TTC6: variants seen among roughly 807,000 people sequenced by gnomAD.
TTC6 encodes tetratricopeptide repeat domain 6, also known as tetratricopeptide repeat protein 6.
Under a neutral mutation model 210.4 loss-of-function variants are expected in TTC6, and 172 were observed. The ratio of observed to expected loss-of-function variants is 0.82; its 90% confidence interval spans 0.72 to 0.93. TTC6 has a LOEUF of 0.93. Among genes scored for constraint, TTC6 ranks in the 40% least tolerant of loss-of-function variants. The probability of loss-of-function intolerance (pLI) is 0.00; values close to 1 mark genes in which losing one functional copy is unlikely to be tolerated. For synonymous variants in TTC6, 804 were observed against 819.6 expected, an observed-to-expected ratio of 0.98 and a Z score of 0.32; for missense variants, 2,414 against 2,318.1, an observed-to-expected ratio of 1.04 and a Z score of -0.85.
chr14:37,649,450 G>A (rs1028311520), intron 1 of TTC6, among the ~76,000 whole-genome samples: 1 of 152,120 alleles, frequency 6.6e-6, no homozygotes, highest in African/African-American at 2.4e-5. Flanking sequence ...TCACGTCCCT[G>A]CCAACTTCCT....
intron 1 of TTC6, among the ~76,000 whole-genome samples, chr14:37,625,234 A>G (rs1263928829): frequency 6.6e-6 from 1 of 152,124 alleles, no homozygotes; most frequent in Admixed American, 6.6e-5. Flanking sequence ...ACTGGGTGGT[A>G]GGTGAGAGAT....
At chr14:37,823,164 T>C (rs2096161893) in intron 26 of TTC6, among the ~76,000 whole-genome samples, 1 of 152,124 alleles carries the variant, frequency 6.6e-6, no homozygotes, top group African/African-American at 2.4e-5. Context: ...TTAGGGAGGA[T>C]AGAGAGAGTT....
rs1490065774 is a variant in TTC6, at chr14:37,598,144, T to G, written c.-235+2136T>G. ...CTCTTTTCCAACCTCTTTTCCCAAA[T>G]AGGCACCTACACCATTGGAAACTGT... On this transcript the variant is annotated intron_variant, in intron 1 of 2. Coordinates refer to the TTC6 transcript ENST00000556845. The surrounding 1 kb of genome is among the most constrained non-coding windows in gnomAD (Gnocchi z 4.9). 6.6e-6 allele frequency among the ~76,000 whole-genome samples: 1 copy of G among 152,162 alleles called. No individual in the cohort carries two copies. Among genetic ancestry groups the G allele is most frequent in the East Asian group, 1.9e-4 (1 of 5,184 alleles).
intron 29 of TTC6, among the ~76,000 whole-genome samples, chr14:37,833,823 C>G (rs2096191643): frequency 6.6e-6 from 1 of 151,980 alleles, no homozygotes; most frequent in African/African-American, 2.4e-5. Context: ...TGGATATTGT[C>G]TTTTGGCTGC....
chr14:37,792,615 T>A (rs1004895611), intron 17 of TTC6, among the ~76,000 whole-genome samples: 1 of 152,170 alleles, frequency 6.6e-6, no homozygotes, highest in African/African-American at 2.4e-5. Context: ...TTTATGTCTT[T>A]CACTTTTGAA....
chr14:37,676,853 C>T (rs1468021011), intron 1 of TTC6, among the ~76,000 whole-genome samples: 5 of 151,910 alleles, frequency 3.3e-5, no homozygotes, highest in South Asian at 4.2e-4. Context: ...GCACCTTTGT[C>T]GAAAGTCGAT....
At chr14:37,813,913 A>C (rs887512132) in intron 25 of TTC6, among the ~76,000 whole-genome samples, 7 of 152,174 alleles carry the variant, frequency 4.6e-5, no homozygotes, top group African/African-American at 1.4e-4. Flanking sequence ...TCAACCAGTA[A>C]GTACTGGGGC....
At chr14:37,792,175 A>G in intron 16 of TTC6, 89 bp from the exon 19 acceptor site, 1 of 1,027,002 alleles carries the variant, frequency 9.7e-7, no homozygotes, top group African/African-American at 1.6e-5. Flanking sequence ...ATACTGATGC[A>G]TCTGTTTCAT....
At position 37,749,072 on chromosome 14, in the gene TTC6, A is replaced by T. The variant is rs1343500047; in HGVS notation, c.2497A>T (p.Ile833Phe). 3.9e-6 allele frequency: 6 copies of T among 1,535,664 alleles called. No individual in the cohort carries two copies. The African/African-American group carries it at 8.2e-5, about 21-fold the overall frequency. ...AAAATTCGTCCAAGCTAAGGGAGGA[A>T]TTCCAGAAAATATTGATCCTCGGAC... is the stretch of plus-strand genomic sequence containing the variant. Residue 833 changes from isoleucine (I) to phenylalanine (F), a missense_variant, in exon 11 of 31, where the codon ATT becomes TTT. Transcript: ENST00000553443.
chr14:37,747,759 C>T (rs912279825), intron 10 of TTC6, among the ~76,000 whole-genome samples: 3 of 152,134 alleles, frequency 2.0e-5, no homozygotes, highest in Non-Finnish European at 2.9e-5. Flanking sequence ...TATGGAGGTG[C>T]AAACGAAACA....
At chr14:37,595,984 A>T (rs2095603491) in exon 1 of TTC6, 1 of 152,122 alleles carries the variant, frequency 6.6e-6, no homozygotes, top group African/African-American at 2.4e-5. Context: ...GCTGCCACGA[A>T]ACTCGTACCT....
In TTC6 at chr14:37,836,867, A is replaced by C. The variant is rs117495545; in HGVS notation, c.5299-4578A>C. Reference sequence around the variant, plus strand: ...TCTAGAGGGTTAAAAAATGTATGTAATCTGGCTTCTTTTATCTTTAGTGAC... The same window carrying C: ...TCTAGAGGGTTAAAAAATGTATGTACTCTGGCTTCTTTTATCTTTAGTGAC... On this transcript the variant is annotated intron_variant, in intron 29 of 30. Coordinates refer to ENST00000553443, the Ensembl canonical transcript of TTC6. Among the ~76,000 whole-genome samples the C allele has an allele frequency of 2.6e-3, 390 of 152,256 alleles. 7 individuals carry two copies. Among genetic ancestry groups the C allele is most frequent in the Non-Finnish European group, 3.1e-3 (214 of 68,022 alleles).
intron 17 of TTC6, among the ~76,000 whole-genome samples, 188 bp from the exon 20 acceptor site, chr14:37,795,082 C>CT (rs1388119466): frequency 1.1e-4 from 16 of 151,980 alleles, no homozygotes; most frequent in Admixed American, 9.8e-4. Flanking sequence ...TTTTTAAAAA[C>CT]TAAGAATATA....
intron 1 of TTC6, among the ~76,000 whole-genome samples, chr14:37,659,548 A>G (rs1308328294): frequency 6.8e-6 from 1 of 146,408 alleles, no homozygotes; most frequent in African/African-American, 2.5e-5. Context: ...TAATTTTGAG[A>G]TGGAGTTTCA....
chr14:37,610,700 G>A (rs886157849), intron 2 of TTC6, among the ~76,000 whole-genome samples: 1 of 152,042 alleles, frequency 6.6e-6, no homozygotes, highest in Non-Finnish European at 1.5e-5. Context: ...CACCATCACC[G>A]TCCCACTCCC....
rs1261595812 is a variant in TTC6, at chr14:37,664,350, CACCT to C, written c.940-15798_940-15795del. Among the ~76,000 whole-genome samples, 5 of 150,512 alleles carry C rather than the reference CACCT, an allele frequency of 3.3e-5. 1 individual carries two copies. The highest frequency in any genetic ancestry group is 7.5e-5 in the Non-Finnish European group (5 of 67,094). ...TAGAGAGCTCAGAAATGAGACGTCG[CACCT>C]ACAACCATCAGATCTTTGACAAAGC... On this transcript the variant is annotated intron_variant, in intron 1 of 30. Transcript: ENST00000553443.
chr14:37,787,095 T>C (rs1187988536), intron 14 of TTC6, among the ~76,000 whole-genome samples: 1 of 152,214 alleles, frequency 6.6e-6, no homozygotes, highest in East Asian at 1.9e-4. Context: ...CAAAATGGAT[T>C]ATTTTGCTTT....
chr14:37,769,743 CA>C (rs1280097698), intron 14 of TTC6, among the ~76,000 whole-genome samples: 13 of 151,410 alleles, frequency 8.6e-5, no homozygotes, highest in Admixed American at 5.9e-4. Context: ...TTGATCCTTT[CA>C]AAAAACCAGC....
rs745577573 is a variant in TTC6, at chr14:37,823,970, C to T, written c.4974+13C>T. The T allele has an allele frequency of 1.9e-6, 3 of 1,608,016 alleles. No homozygotes were observed. Among genetic ancestry groups the T allele is most frequent in the Middle Eastern group, 1.7e-4 (1 of 6,046 alleles). On this transcript the variant is annotated intron_variant, in intron 27 of 30. Coordinates refer to ENST00000553443, the Ensembl canonical transcript of TTC6. ...CTATAATTTGCAGGTAATATAGCAA[C>T]ATTTTGAGCATTAAAAGCATGTTTT...
Sources: allele counts gnomAD v4.1 joint callset (sites outside exome capture counted in the v4.1 genomes callset), GRCh38; gene constraint gnomAD v4.1.1; non-coding constraint Gnocchi (gnomAD v3.1); transcripts MANE v1.5; gene names NCBI Gene and HGNC (gene_info 2026-07-23, HGNC 2026-07-21).